Variants in AGAP1 observed in about 807,000 individuals in gnomAD.
The protein encoded by AGAP1 is ArfGAP with GTPase domain, ankyrin repeat and PH domain 1.
Under a neutral mutation model 105.3 loss-of-function variants are expected in AGAP1, and 29 were observed. That is an observed-to-expected ratio of 0.28 (90% CI 0.21 to 0.38). The LOEUF (loss-of-function observed/expected upper bound fraction) is 0.38. Ranked by LOEUF, AGAP1 falls within the 10% of genes least tolerant of loss-of-function variation. The probability of loss-of-function intolerance (pLI) is 1.00; values close to 1 mark genes in which losing one functional copy is unlikely to be tolerated. For synonymous variants in AGAP1, 509 were observed against 485.9 expected (o/e 1.05, Z -0.63); for missense variants, 998 against 1,165.1 (o/e 0.86, Z 2.09).
intron 9 of AGAP1, among the ~76,000 whole-genome samples, chr2:235,828,511 G>A (rs1477756078): frequency 2.0e-5 from 3 of 152,176 alleles, no homozygotes; most frequent in Non-Finnish European, 2.9e-5. Flanking sequence ...AACTGCCCAC[G>A]AGTCACGTTT....
intron 1 of AGAP1, among the ~76,000 whole-genome samples, chr2:235,595,567 A>G (rs1447283244): frequency 1.3e-5 from 2 of 152,202 alleles, no homozygotes; most frequent in African/African-American, 4.8e-5. Context: ...GCCACTTCCT[A>G]CAAAGTGAAG....
At chr2:235,735,189 A>G (rs1952177636) in intron 3 of AGAP1, among the ~76,000 whole-genome samples, 1 of 152,242 alleles carries the variant, frequency 6.6e-6, no homozygotes, top group Non-Finnish European at 1.5e-5. Flanking sequence ...TGTCGTTGCC[A>G]TAGCTGTCGC....
At chr2:235,638,805 C>CT (rs1345888071) in intron 1 of AGAP1, among the ~76,000 whole-genome samples, 1 of 152,184 alleles carries the variant, frequency 6.6e-6, no homozygotes, top group Non-Finnish European at 1.5e-5. Flanking sequence ...AGGCGGAGGG[C>CT]TGGCGTGGGC....
chr2:236,027,994 T>C lies in AGAP1; in HGVS notation c.1646-8567T>C, dbSNP rs1261378951. Among the ~76,000 whole-genome samples the C allele has an allele frequency of 6.6e-6, 1 of 152,176 alleles. No homozygotes were observed. The highest frequency in any genetic ancestry group is 1.5e-5 in the Non-Finnish European group (1 of 68,030). ...TATTTCTTCATTATTTGTATAGTCCTGTGCTTTTCCAGGTTTAGAGTTATT... is the reference window on the plus strand; with the variant it reads ...TATTTCTTCATTATTTGTATAGTCCCGTGCTTTTCCAGGTTTAGAGTTATT... On this transcript the variant is annotated intron_variant, in intron 13 of 17. Coordinates refer to ENST00000304032, the MANE Select transcript of AGAP1 (RefSeq NM_001037131.3). This position sits in a 1 kb window ranked among gnomAD's most constrained non-coding sequence, Gnocchi z 4.4.
At chr2:235,924,329 T>C (rs1278812167) in intron 11 of AGAP1, among the ~76,000 whole-genome samples, 1 of 152,104 alleles carries the variant, frequency 6.6e-6, no homozygotes, top group Non-Finnish European at 1.5e-5. Flanking sequence ...CCTCATACTT[T>C]CTGGCTGCTC....
chr2:236,049,639 T>C (rs1468668525), intron 16 of AGAP1: 1 of 165,694 alleles, frequency 6.0e-6, no homozygotes, highest in African/African-American at 2.4e-5. Context: ...ATTTTGTTAT[T>C]CTTATAGCTT....
chr2:235,572,856 G>A (rs1944575335), intron 1 of AGAP1, among the ~76,000 whole-genome samples: 2 of 152,176 alleles, frequency 1.3e-5, no homozygotes, highest in Non-Finnish European at 2.9e-5. Flanking sequence ...GACCAGCTCG[G>A]CTGCGGGAGC....
intron 1 of AGAP1, among the ~76,000 whole-genome samples, chr2:235,640,382 G>A (rs1239977419): frequency 1.3e-5 from 2 of 152,226 alleles, no homozygotes; most frequent in Non-Finnish European, 2.9e-5. Flanking sequence ...AGGGTCCAGG[G>A]AGGCTGGCCC....
chr2:235,594,775 T>C (rs55843450), intron 1 of AGAP1, among the ~76,000 whole-genome samples: 21,629 of 151,984 alleles, frequency 0.14, 2,094 homozygotes, highest in Non-Finnish European at 0.21. Context: ...GGTCTCACCA[T>C]GTTGACCAGG....
At chr2:235,910,617 T>C (rs1386296128) in intron 11 of AGAP1, among the ~76,000 whole-genome samples, 1 of 152,176 alleles carries the variant, frequency 6.6e-6, no homozygotes, top group Admixed American at 6.5e-5. Context: ...CTCATGCATT[T>C]ATTCAAAAAA....
chr2:235,918,558 C>T (rs76336814), intron 11 of AGAP1, among the ~76,000 whole-genome samples: 178 of 152,330 alleles, frequency 1.2e-3, no homozygotes, highest in Non-Finnish European at 2.2e-3. Flanking sequence ...ATTGCTCCCA[C>T]TGAGGTTTAG....
At position 235,551,362 on chromosome 2, in the gene AGAP1, T is replaced by G. The variant is rs986395828; in HGVS notation, c.163+56513T>G. Among the ~76,000 whole-genome samples the G allele has an allele frequency of 1.3e-5, 2 of 152,208 alleles. No homozygotes were observed. The highest frequency in any genetic ancestry group is 4.8e-5 in the African/African-American group (2 of 41,540). ...CTCTGTCACTCAGGTTGGAGTGCAGTGGCTTGATCATAGCTCACTGCAGCC... is the reference window on the plus strand; with the variant it reads ...CTCTGTCACTCAGGTTGGAGTGCAGGGGCTTGATCATAGCTCACTGCAGCC... On this transcript the variant is annotated intron_variant, in intron 1 of 17. Transcript: ENST00000304032. This position sits in a 1 kb window ranked among gnomAD's most constrained non-coding sequence, Gnocchi z 4.8.
chr2:235,834,914 ACT>A (rs1481841283), intron 9 of AGAP1, among the ~76,000 whole-genome samples: 3 of 152,198 alleles, frequency 2.0e-5, no homozygotes, highest in African/African-American at 7.2e-5. Flanking sequence ...GGTGGAACAG[ACT>A]CTATGCAGAA....
At position 235,610,109 on chromosome 2, in the gene AGAP1, T is replaced by A. The variant is rs889451122; in HGVS notation, c.164-99070T>A. Among the ~76,000 whole-genome samples, 5 of 152,184 alleles carry A rather than the reference T, an allele frequency of 3.3e-5. No individual in the cohort carries two copies. The highest frequency in any genetic ancestry group is 1.2e-4 in the African/African-American group (5 of 41,442). ...TTTTAGCTCCTAGTCACAGATATGG[T>A]GACAGGCTTGTCTCCACCATTGGAG... On this transcript the variant is annotated intron_variant, in intron 1 of 17. Transcript: ENST00000304032. This position sits in a 1 kb window ranked among gnomAD's most constrained non-coding sequence, Gnocchi z 4.9.
intron 3 of AGAP1, among the ~76,000 whole-genome samples, chr2:235,726,581 C>T (rs1202113749): frequency 6.6e-6 from 1 of 152,212 alleles, no homozygotes; most frequent in East Asian, 1.9e-4. Flanking sequence ...GTGTTCACTG[C>T]TCCTCCCGTC....
intron 16 of AGAP1, among the ~76,000 whole-genome samples, chr2:236,111,778 C>T (rs1408699299): frequency 3.0e-5 from 4 of 133,062 alleles, no homozygotes; most frequent in Admixed American, 2.3e-4. Context: ...GGCAACAGTG[C>T]GACTCTATCT....
chr2:235,873,666 G>A (rs1017719896), intron 9 of AGAP1, among the ~76,000 whole-genome samples: 1 of 152,212 alleles, frequency 6.6e-6, no homozygotes, highest in African/African-American at 2.4e-5. Context: ...TTACCCGACT[G>A]TGGGAAGGCC....
rs146949339 is a variant in AGAP1 at position 235,556,065 on chromosome 2, A to C, written c.163+61216A>C. On this transcript the variant is annotated intron_variant, in intron 1 of 17. Transcript: ENST00000304032. This position sits in a 1 kb window ranked among gnomAD's most constrained non-coding sequence, Gnocchi z 5.3. Reference sequence around the variant, plus strand: ...AGAAACAGCATCCTGCAGGAGAGCAATGCCTCCAGCTTGGCTTCTGGAAGC... The same window carrying C: ...AGAAACAGCATCCTGCAGGAGAGCACTGCCTCCAGCTTGGCTTCTGGAAGC... Among the ~76,000 whole-genome samples, 4 of 152,214 alleles carry C rather than the reference A, an allele frequency of 2.6e-5. No homozygotes were observed. The highest frequency in any genetic ancestry group is 9.6e-5 in the African/African-American group (4 of 41,464).
intron 16 of AGAP1, among the ~76,000 whole-genome samples, chr2:236,060,895 C>T (rs1305498610): frequency 1.3e-5 from 2 of 151,758 alleles, no homozygotes; most frequent in African/African-American, 4.8e-5. Context: ...GACCCCACCT[C>T]TACAAAAACT....
Sources: gnomAD v4.1 joint callset for allele counts (sites outside exome capture counted in the v4.1 genomes callset) on GRCh38, gnomAD v4.1.1 for gene constraint, Gnocchi (gnomAD v3.1) non-coding constraint, MANE v1.5 for transcripts, NCBI Gene and HGNC (gene_info 2026-07-23, HGNC 2026-07-21) for gene names.